The following ATRNL1 variants were observed in gnomAD, a reference collection of about 807,000 sequenced individuals.
The protein encoded by ATRNL1 is attractin-like protein 1.
Under a neutral mutation model 182.7 loss-of-function variants are expected in ATRNL1, and 95 were observed. The observed-to-expected ratio is 0.52, with a 90% CI of 0.44 to 0.62. The LOEUF (loss-of-function observed/expected upper bound fraction) is 0.62. ATRNL1 is among the 20% of genes least tolerant of loss of function. The pLI is 0.00. For missense variants in ATRNL1, 1,471 were observed against 1,679.5 expected (o/e 0.88, Z 2.17); for synonymous variants, 576 against 568.3 (o/e 1.01, Z -0.19).
chr10:115,614,757 G>A (rs782196554), intron 26 of ATRNL1, among the ~76,000 whole-genome samples: 6 of 151,966 alleles, frequency 3.9e-5, no homozygotes, highest in Non-Finnish European at 5.9e-5. Context: ...AAACTGATCT[G>A]TGTATCATTA....
chr10:115,471,406 T>G (rs190046473), intron 24 of ATRNL1, among the ~76,000 whole-genome samples: 206 of 150,932 alleles, frequency 1.4e-3, no homozygotes, highest in African/African-American at 4.6e-3. Context: ...TTTTAATTTT[T>G]GGGGGAATCT....
intron 28 of ATRNL1, among the ~76,000 whole-genome samples, chr10:115,940,794 C>A (rs1953709313): frequency 6.6e-6 from 1 of 151,940 alleles, no homozygotes; most frequent in Admixed American, 6.6e-5. Flanking sequence ...TATCTAGGTT[C>A]TCTTGTAGGT....
At chr10:115,790,612 C>G (rs1457005316) in intron 27 of ATRNL1, among the ~76,000 whole-genome samples, 2 of 150,318 alleles carry the variant, frequency 1.3e-5, no homozygotes, top group African/African-American at 2.5e-5. Context: ...CCTCATTTAC[C>G]TTTAGAAACT....
intron 26 of ATRNL1, among the ~76,000 whole-genome samples, chr10:115,560,090 A>G (rs1160124166): frequency 6.6e-6 from 1 of 152,230 alleles, no homozygotes; most frequent in Non-Finnish European, 1.5e-5. Context: ...TACATTAGCA[A>G]TGAAAAACCT....
chr10:115,766,276 T>C (rs1948857441), intron 27 of ATRNL1, among the ~76,000 whole-genome samples: 2 of 152,214 alleles, frequency 1.3e-5, no homozygotes, highest in South Asian at 2.1e-4. Flanking sequence ...TTGATCATTA[T>C]AGAACAGAGC....
At chr10:115,169,291 C>A (rs1362617766) in intron 7 of ATRNL1, among the ~76,000 whole-genome samples, 1 of 150,942 alleles carries the variant, frequency 6.6e-6, no homozygotes, top group Non-Finnish European at 1.5e-5. Context: ...ACTGCAACCT[C>A]CACTTCCTGG....
intron 24 of ATRNL1, among the ~76,000 whole-genome samples, chr10:115,470,139 A>G (rs1413113768): frequency 6.6e-6 from 1 of 150,414 alleles, no homozygotes; most frequent in Non-Finnish European, 1.5e-5. Context: ...CTCTGTAACT[A>G]GAAATGTTTG....
chr10:115,541,271 A>T (rs529738413), intron 25 of ATRNL1, among the ~76,000 whole-genome samples: 92 of 151,990 alleles, frequency 6.1e-4, no homozygotes, highest in African/African-American at 2.2e-3. Flanking sequence ...ACACTTCACA[A>T]AAGAAGACAT....
In ATRNL1 at chr10:115,948,682, T is replaced by TA. The variant is rs1953927820; in HGVS notation, c.*3905dup. 6.6e-6 allele frequency: 1 copy of TA among 152,206 alleles called. No individual in the cohort carries two copies. Among genetic ancestry groups the TA allele is most frequent in the Non-Finnish European group, 1.5e-5 (1 of 68,030 alleles). The allele number at this position is 152,206 out of a possible 1,614,324, so 9.4% of individuals were successfully genotyped here. The stretch of plus-strand genomic sequence containing the variant: ...CGACCATTAGAGGGAGTTCTCTAAA[T>TA]AACAAAGTTATTACTCTAATTCAAA... On this transcript the variant is annotated 3_prime_UTR_variant, in exon 29 of 29. Coordinates refer to ENST00000355044, the MANE Select transcript of ATRNL1 (RefSeq NM_207303.4).
intron 26 of ATRNL1, 51 bp downstream of exon 26, chr10:115,549,587 G>A (rs1554994948): frequency 2.3e-6 from 3 of 1,318,626 alleles, no homozygotes; most frequent in Non-Finnish European, 3.2e-6. Flanking sequence ...GCAAATATAT[G>A]GATCTCTATT....
At chr10:115,403,967 C>G (rs2134312867) in intron 20 of ATRNL1, among the ~76,000 whole-genome samples, 1 of 152,266 alleles carries the variant, frequency 6.6e-6, no homozygotes, top group African/African-American at 2.4e-5. Flanking sequence ...CTGAAAATAT[C>G]AGTTCAGAAC....
Position 115,396,130 on chromosome 10 carries a change from G to A in ATRNL1, c.3269+1378G>A, listed in dbSNP as rs1401134958. Among the ~76,000 whole-genome samples, 6 of 151,818 alleles carry A rather than the reference G, an allele frequency of 4.0e-5. No individual in the cohort carries two copies. The Admixed American group carries it at 4.0e-4, about 10-fold the overall frequency. ...AGTTAGGTGATTATGTCTTTGCTTA[G>A]CCACCTAAGTATTACAGATTTTCAA... On this transcript the variant is annotated intron_variant, in intron 20 of 28. Coordinates refer to ENST00000355044, the MANE Select transcript of ATRNL1 (RefSeq NM_207303.4).
chr10:115,821,399 G>C (rs944064580), intron 27 of ATRNL1, among the ~76,000 whole-genome samples: 10 of 151,886 alleles, frequency 6.6e-5, no homozygotes, highest in African/African-American at 2.4e-5. Flanking sequence ...GGTTGGTACT[G>C]GTTTTTCCTT....
At chr10:115,491,586 C>T (rs1041605581) in intron 24 of ATRNL1, among the ~76,000 whole-genome samples, 11 of 152,184 alleles carry the variant, frequency 7.2e-5, no homozygotes, top group South Asian at 2.1e-4. Context: ...CAGTGGTGGA[C>T]GCCACTCCCC....
chr10:115,427,036 TA>T (rs1845936100), intron 21 of ATRNL1, among the ~76,000 whole-genome samples: 1 of 152,172 alleles, frequency 6.6e-6, no homozygotes, highest in South Asian at 2.1e-4. Flanking sequence ...CTTTAACTTT[TA>T]AAGAAACAGC....
intron 19 of ATRNL1, among the ~76,000 whole-genome samples, chr10:115,366,728 G>A (rs1302484774): frequency 4.0e-5 from 6 of 151,686 alleles, no homozygotes; most frequent in South Asian, 2.1e-4. Flanking sequence ...TGACAAAATC[G>A]GTTAGCATTT....
At chr10:115,760,388 G>C (rs558831904) in intron 27 of ATRNL1, among the ~76,000 whole-genome samples, 2 of 151,764 alleles carry the variant, frequency 1.3e-5, no homozygotes, top group African/African-American at 2.4e-5. Flanking sequence ...ATATTTTTAC[G>C]TATTCATTGG....
At chr10:115,637,925 T>A (rs1555028802) in intron 26 of ATRNL1, among the ~76,000 whole-genome samples, 1 of 152,094 alleles carries the variant, frequency 6.6e-6, no homozygotes, top group East Asian at 1.9e-4. Flanking sequence ...GCCCGGCTAT[T>A]AACTTCTTAT....
intron 17 of ATRNL1, among the ~76,000 whole-genome samples, chr10:115,315,031 G>A (rs1318438892): frequency 6.6e-6 from 1 of 152,132 alleles, no homozygotes; most frequent in African/African-American, 2.4e-5. Context: ...GAGGAGCATT[G>A]TCCATAATAG....
Sources: allele counts gnomAD v4.1 joint callset (sites outside exome capture counted in the v4.1 genomes callset), GRCh38; gene constraint gnomAD v4.1.1; transcripts MANE v1.5; gene names NCBI Gene and HGNC (gene_info 2026-07-23, HGNC 2026-07-21).